Variants in WRN observed in about 807,000 individuals in gnomAD.
The protein encoded by WRN is WRN RecQ like helicase.
WRN carries 149 observed loss-of-function variants against 180.7 expected under a neutral mutation model. The ratio of observed to expected loss-of-function variants is 0.82; its 90% CI spans 0.72 to 0.94. The LOEUF (loss-of-function observed/expected upper bound fraction) is 0.94, where lower values mean the gene tolerates loss of function less well. Ranked by LOEUF, WRN falls within the 40% of genes least tolerant of loss-of-function variation. The pLI is 0.00. For missense variants in WRN, 1,661 were observed against 1,700.1 expected (o/e 0.98, Z 0.40); for synonymous variants, 548 against 568.9 (o/e 0.96, Z 0.52).
chr8:31,075,569 A>C (rs2130091328), intron 7 of WRN, among the ~76,000 whole-genome samples: 1 of 152,060 alleles, frequency 6.6e-6, no homozygotes, highest in South Asian at 2.1e-4. Flanking sequence ...AAAAAAAAAA[A>C]ATTAGCTGGT....
Position 31,120,307 on chromosome 8 carries a change from AT to A in WRN, c.2515del (p.Tyr839ThrfsTer37). The A allele has an allele frequency of 6.2e-7, 1 of 1,613,092 alleles. No individual in the cohort carries two copies. Among genetic ancestry groups the A allele is most frequent in the Non-Finnish European group, 8.5e-7 (1 of 1,179,208 alleles). On this transcript the variant is annotated frameshift_variant, in exon 21 of 35. Coordinates refer to ENST00000298139, the MANE Select transcript of WRN (RefSeq NM_000553.6). LOFTEE classifies it high-confidence loss of function. Reference protein sequence around the residue: ...INKADIRQVIHYGAPKDMESY... With the variant: ...INKADIRQVIXYGAPKDMESY... ...AAAGCTGACATTCGCCAAGTCATTC[AT>A]TACGGTGCTCCTAAGGACATGGAAT...
intron 26 of WRN, among the ~76,000 whole-genome samples, chr8:31,142,094 T>A (rs569926367): frequency 6.6e-6 from 1 of 152,150 alleles, no homozygotes; most frequent in Admixed American, 6.5e-5. Flanking sequence ...AGACATGCAC[T>A]ACTATGCCCA....
At chr8:31,120,011 A>C (rs1313846157) in intron 20 of WRN, 7 of 515,422 alleles carry the variant, frequency 1.4e-5, no homozygotes, top group Non-Finnish European at 2.4e-5. Context: ...CAGATAGACC[A>C]CTTTATTTAC....
chr8:31,094,027 G>A (rs1266078285), intron 16 of WRN, among the ~76,000 whole-genome samples: 1 of 152,136 alleles, frequency 6.6e-6, no homozygotes, highest in South Asian at 2.1e-4. Flanking sequence ...ATCGTTTCCA[G>A]TTTTGGGTTA....
At chr8:31,156,633 A>G (rs1803396719) in intron 32 of WRN, among the ~76,000 whole-genome samples, 1 of 152,238 alleles carries the variant, frequency 6.6e-6, no homozygotes, top group Non-Finnish European at 1.5e-5. Flanking sequence ...TCAGACTTTG[A>G]AAATGTATTG....
intron 19 of WRN, among the ~76,000 whole-genome samples, chr8:31,113,680 T>C (rs200818442): frequency 3.3e-5 from 5 of 152,206 alleles, no homozygotes; most frequent in African/African-American, 1.2e-4. Flanking sequence ...TTTGCCTTTT[T>C]TGTGTGTAAT....
chr8:31,167,285 C>G, intron 34 of WRN, 55 bp downstream of exon 34: 1 of 1,420,986 alleles, frequency 7.0e-7, no homozygotes, highest in South Asian at 1.2e-5. Context: ...ATTTGCATAT[C>G]CTAGTACTAG....
In WRN at chr8:31,059,277, G is replaced by T; in HGVS notation, c.209+12G>T. The T allele has an allele frequency of 6.3e-7, 1 of 1,597,954 alleles. No individual in the cohort carries two copies. The highest frequency in any genetic ancestry group is 8.6e-7 in the Non-Finnish European group (1 of 1,165,662). On this transcript the variant is annotated intron_variant, in intron 3 of 34. Coordinates refer to ENST00000298139, the MANE Select transcript of WRN (RefSeq NM_000553.6). ...TCAGAAGATATTAGGTAAGTGATTTGAATTTCCTGATTTTATTTGAATTTG... is the reference window on the plus strand; with the variant it reads ...TCAGAAGATATTAGGTAAGTGATTTTAATTTCCTGATTTTATTTGAATTTG...
At chr8:31,044,235 G>A (rs1811765939) in intron 1 of WRN, among the ~76,000 whole-genome samples, 1 of 150,732 alleles carries the variant, frequency 6.6e-6, no homozygotes, top group South Asian at 2.1e-4. Flanking sequence ...TAGAGACGGG[G>A]TTTCACCATG....
intron 24 of WRN, 117 bp downstream of exon 24, chr8:31,132,623 T>C: frequency 7.2e-7 from 1 of 1,391,002 alleles, no homozygotes; most frequent in Non-Finnish European, 1.0e-6. Context: ...GACTAGGAAC[T>C]CATAGAGTCT....
intron 33 of WRN, among the ~76,000 whole-genome samples, chr8:31,164,475 A>G (rs2737347): frequency 0.33 from 49,432 of 150,870 alleles, 8,321 homozygotes; most frequent in East Asian, 0.6. Context: ...CTAAAAATAG[A>G]GTAATTATGA....
intron 34 of WRN, among the ~76,000 whole-genome samples, chr8:31,172,158 T>A (rs1318126): frequency 2.6e-5 from 4 of 151,828 alleles, no homozygotes; most frequent in Non-Finnish European, 5.9e-5. Context: ...TGTGTGTGTG[T>A]GCCTGTGTGT....
At chr8:31,149,455 GTTTTTT>G (rs71208105) in intron 30 of WRN, among the ~76,000 whole-genome samples, 3 of 51,984 alleles carry the variant, frequency 5.8e-5, no homozygotes, top group African/African-American at 2.3e-4. Flanking sequence ...TAATAGAGGT[GTTTTTT>G]TTTTTTTTTT....
intron 1 of WRN, among the ~76,000 whole-genome samples, chr8:31,034,818 A>G (rs1250532151): frequency 6.6e-6 from 1 of 152,122 alleles, no homozygotes; most frequent in Non-Finnish European, 1.5e-5. Context: ...GTTTACAGAG[A>G]TACCATTGCT....
intron 7 of WRN, among the ~76,000 whole-genome samples, chr8:31,075,580 C>T (rs1299302498): frequency 1.3e-5 from 2 of 151,562 alleles, no homozygotes; most frequent in South Asian, 2.1e-4. Flanking sequence ...ATTAGCTGGT[C>T]GTGGTGGCAC....
chr8:31,114,525 A>G (rs1030689345), intron 19 of WRN, among the ~76,000 whole-genome samples: 10 of 152,174 alleles, frequency 6.6e-5, no homozygotes, highest in Non-Finnish European at 1.2e-4. Context: ...CCTTTTTTAA[A>G]AAAGAGTGAT....
At chr8:31,116,710 A>G (rs1399073745) in intron 20 of WRN, among the ~76,000 whole-genome samples, 182 bp downstream of exon 20, 1 of 152,234 alleles carries the variant, frequency 6.6e-6, no homozygotes, top group East Asian at 1.9e-4. Context: ...CCTAGTGCTT[A>G]GGTGCACAGA....
chr8:31,146,452 C>T (rs1331398889), intron 28 of WRN, among the ~76,000 whole-genome samples: 1 of 151,608 alleles, frequency 6.6e-6, no homozygotes, highest in Non-Finnish European at 1.5e-5. Flanking sequence ...TTTGAGTATT[C>T]CTTTTACTAA....
intron 23 of WRN, among the ~76,000 whole-genome samples, chr8:31,129,720 T>C (rs888044717): frequency 6.6e-6 from 1 of 152,062 alleles, no homozygotes; most frequent in Non-Finnish European, 1.5e-5. Context: ...TTAAAACTGG[T>C]AAGAGGCTGG....
Sources: gnomAD v4.1 joint callset for allele counts (sites outside exome capture counted in the v4.1 genomes callset) on GRCh38, gnomAD v4.1.1 for gene constraint, MANE v1.5 for transcripts, NCBI Gene and HGNC (gene_info 2026-07-23, HGNC 2026-07-21) for gene names.